KCNT1: variants seen among roughly 807,000 people sequenced by gnomAD.
KCNT1 encodes the protein potassium sodium-activated channel subfamily T member 1, also known as potassium channel subfamily T member 1.
A neutral mutation model predicts 147.8 loss-of-function variants in KCNT1; 78 were observed. The ratio of observed to expected loss-of-function variants is 0.53; its 90% CI spans 0.44 to 0.64. The LOEUF (loss-of-function observed/expected upper bound fraction) is 0.64, where lower values mean the gene tolerates loss of function less well. KCNT1 is among the 30% of genes least tolerant of loss of function. The pLI, the probability that KCNT1 is intolerant of heterozygous loss-of-function variation, is 0.00. For synonymous variants in KCNT1, 867 were observed against 748.8 expected, an observed-to-expected ratio of 1.16 and a Z score of -2.58; for missense variants, 1,419 against 1,750.3, an observed-to-expected ratio of 0.81 and a Z score of 3.38.
Position 135,788,271 on chromosome 9 carries a change from G to A in KCNT1, c.3502+1750G>A, listed in dbSNP as rs943113426. ...GGCCAGGCAGGTGGACAGGAGCTGT[G>A]AGAGCACGTCCCAGGTGTCAGCCCA... On this transcript the variant is annotated intron_variant, in intron 29 of 30. Transcript: ENST00000371757. 1.6e-5 allele frequency: 15 copies of A among 922,038 alleles called. 1 individual carries two copies. The East Asian group carries it at 2.7e-4, about 16-fold the overall frequency. The allele number at this position is 922,038 out of a possible 1,614,324, so 57.1% of individuals were successfully genotyped here.
At chr9:135,787,278 G>A (rs1325667183) in intron 29 of KCNT1, among the ~76,000 whole-genome samples, 2 of 152,194 alleles carry the variant, frequency 1.3e-5, no homozygotes, top group East Asian at 1.9e-4. Flanking sequence ...CTTGGGCTTC[G>A]GGGCCCTACA....
intron 7 of KCNT1, 32 bp from the exon 8 acceptor site, chr9:135,757,124 C>T (rs1831546478): frequency 6.4e-6 from 7 of 1,092,648 alleles, no homozygotes; most frequent in South Asian, 1.2e-5. Flanking sequence ...CACCCTCCAT[C>T]GCCCCCGCTG....
intron 4 of KCNT1, among the ~76,000 whole-genome samples, chr9:135,753,010 AT>A (rs1831274415): frequency 6.9e-6 from 1 of 145,346 alleles, no homozygotes; most frequent in African/African-American, 2.6e-5. Context: ...GGATGGATGG[AT>A]GGAGGGATGG....
chr9:135,768,003 G>A lies in KCNT1; in HGVS notation c.1338-607G>A, dbSNP rs528805749. Among the ~76,000 whole-genome samples the A allele has an allele frequency of 2.7e-5, 4 of 150,828 alleles. No individual in the cohort carries two copies. In the South Asian group the frequency reaches 6.3e-4, roughly 24 times the overall value. ...GCCTGCACACACTCGGGGGACAGGT[G>A]TGGCTCCTGACCCCTGCCCCCACCC... On this transcript the variant is annotated intron_variant, in intron 13 of 30. Transcript: ENST00000371757.
intron 13 of KCNT1, among the ~76,000 whole-genome samples, chr9:135,767,716 C>G (rs11103178): frequency 0.23 from 34,951 of 152,080 alleles, 4,164 homozygotes; most frequent in Middle Eastern, 0.33. Context: ...TAGCCCCTGA[C>G]GCCTGGGAGT....
chr9:135,784,443 G>C (rs942142132), intron 25 of KCNT1, 92 bp from the exon 26 acceptor site: 4 of 949,546 alleles, frequency 4.2e-6, no homozygotes, highest in African/African-American at 1.6e-5. Flanking sequence ...GTGGGGTATG[G>C]ACCTGTGTCC....
Position 135,784,883 on chromosome 9 carries a change from C to T in KCNT1, c.3150C>T (p.Thr1050=). The change falls in exon 27 of 31, where the codon ACC becomes ACT. Residue 1050 remains threonine, a synonymous_variant. Coordinates refer to ENST00000371757, the MANE Select transcript of KCNT1 (RefSeq NM_020822.3). ...IYRTESHVFS[T]SEPHDLRAQS... ...GGACAGAGAGCCACGTCTTCTCCAC[C>T]TCGGAGGTTCTGGGGCAGCCTGGGG... 1 of 1,612,198 alleles carries T rather than the reference C, an allele frequency of 6.2e-7. No homozygotes were observed.
At chr9:135,759,059 C>T (rs1049249740) in intron 10 of KCNT1, among the ~76,000 whole-genome samples, 2 of 152,330 alleles carry the variant, frequency 1.3e-5, no homozygotes, top group African/African-American at 4.8e-5. Flanking sequence ...GAGTGCCCTG[C>T]GTTTCCCGCC....
Position 135,750,925 on chromosome 9 carries a change from C to A in KCNT1, c.335-17C>A, listed in dbSNP as rs764048972. ...CAGAGCTGGGTCAGAGCCCTGAGGC[C>A]GCTGCCCTCCCCGCAGGCCTGAGGA... is the stretch of plus-strand genomic sequence containing the variant. On this transcript the variant is annotated splice_polypyrimidine_tract_variant and intron_variant, in intron 3 of 30. Transcript: ENST00000371757. 1.9e-6 allele frequency: 3 copies of A among 1,611,266 alleles called. No individual in the cohort carries two copies. The African/African-American group carries it at 4.0e-5, about 21-fold the overall frequency.
At chr9:135,717,371 C>A (rs1835762478) in intron 2 of KCNT1, among the ~76,000 whole-genome samples, 1 of 152,244 alleles carries the variant, frequency 6.6e-6, no homozygotes, top group Admixed American at 6.5e-5. Flanking sequence ...AGTGGTTCCC[C>A]ACTTCTCACC....
Position 135,786,474 on chromosome 9 carries a change from T to C in KCNT1, c.3455T>C (p.Leu1152Pro). ...TCTGAGCGCCAGGAGCTCTCCGAGC[T>C]GGTGAAGAACCGCATGAAGCACCTG... is the stretch of plus-strand genomic sequence containing the variant. The part of the protein sequence containing the change: ...RRSERQELSE[L>P]VKNRMKHLGL... The change falls in exon 29 of 31, where the codon CTG becomes CCG. Residue 1152 changes from leucine to proline, a missense_variant. By Grantham distance (98) the Leu-to-Pro change is moderately conservative. Around this residue, in one of 5 missense-constraint regions of KCNT1, gnomAD observed 306 missense variants for 294.2 expected, o/e 1.04. Transcript: ENST00000371757. 1 of 1,604,110 alleles carries C rather than the reference T, an allele frequency of 6.2e-7. No homozygotes were observed. The highest frequency in any genetic ancestry group is 8.5e-7 in the Non-Finnish European group (1 of 1,176,778).
At position 135,795,106 on chromosome 9, in the gene KCNT1, G is replaced by A. The variant is rs1025616475; in HGVS notation, c.*2945G>A. On this transcript the variant is annotated 3_prime_UTR_variant, in exon 31 of 31. Coordinates refer to ENST00000371757, the MANE Select transcript of KCNT1 (RefSeq NM_020822.3). ...GCTATTTTCCTTATTCCTGTTTTTT[G>A]TTTGTTTTTATTTTCCTTATACCTA... The A allele has an allele frequency of 1.3e-5, 2 of 152,002 alleles. No homozygotes were observed. The highest frequency in any genetic ancestry group is 2.9e-5 in the Non-Finnish European group (2 of 67,990). The allele number at this position is 152,002 out of a possible 1,614,324, so 9.4% of individuals were successfully genotyped here. A position where few individuals can be genotyped will look rare whatever the true frequency, so the allele number is the denominator to read the frequency against.
At chr9:135,742,226 G>A (rs1490235562) in intron 2 of KCNT1, among the ~76,000 whole-genome samples, 1 of 152,240 alleles carries the variant, frequency 6.6e-6, no homozygotes, top group East Asian at 1.9e-4. Flanking sequence ...CCGCTGGTCT[G>A]GGTGTAGGGC....
chr9:135,719,212 A>G (rs1487003600), intron 2 of KCNT1, among the ~76,000 whole-genome samples: 1 of 152,200 alleles, frequency 6.6e-6, no homozygotes, highest in Non-Finnish European at 1.5e-5. Flanking sequence ...AGTGAGCGTC[A>G]TGGCCCTTGG....
At chr9:135,761,682 T>C (rs1831920918) in intron 11 of KCNT1, among the ~76,000 whole-genome samples, 1 of 152,224 alleles carries the variant, frequency 6.6e-6, no homozygotes, top group African/African-American at 2.4e-5. Context: ...CGGCACCTGC[T>C]GAGGCCGCTG....
intron 29 of KCNT1, chr9:135,790,331 C>A (rs554467963): frequency 6.6e-6 from 1 of 152,406 alleles, no homozygotes; most frequent in Non-Finnish European, 1.5e-5. Context: ...ACAGCCTCAG[C>A]ATGAGGCCCC....
chr9:135,717,148 A>G (rs1278287032), intron 2 of KCNT1, among the ~76,000 whole-genome samples: 43 of 110,532 alleles, frequency 3.9e-4, no homozygotes, highest in Non-Finnish European at 7.1e-4. Flanking sequence ...TGTATAGGAC[A>G]GGAGGGAGGG....
intron 2 of KCNT1, among the ~76,000 whole-genome samples, chr9:135,723,704 C>T (rs1238523755): frequency 6.6e-6 from 1 of 152,182 alleles, no homozygotes; most frequent in African/African-American, 2.4e-5. Flanking sequence ...TAGAGCTGTC[C>T]CGGGAAGTGC....
At chr9:135,743,764 G>A (rs12554533) in intron 2 of KCNT1, among the ~76,000 whole-genome samples, 19,451 of 152,254 alleles carry the variant, frequency 0.13, 1,420 homozygotes, top group South Asian at 0.17. Flanking sequence ...ACCTTTGGAG[G>A]CCCAGCTGGA....
Sources: gnomAD v4.1 joint callset for allele counts (sites outside exome capture counted in the v4.1 genomes callset) on GRCh38, gnomAD v4.1.1 for gene constraint, gnomAD v4.1.1 regional missense constraint, MANE v1.5 for transcripts, NCBI Gene and HGNC (gene_info 2026-07-23, HGNC 2026-07-21) for gene names.